The following DGKB variants were observed in gnomAD, a reference collection of about 807,000 sequenced individuals.
DGKB encodes the protein 90 kDa diacylglycerol kinase.
DGKB carries 67 observed loss-of-function variants against 114.3 expected under a neutral mutation model. That is an observed-to-expected ratio of 0.59 (90% confidence interval 0.48 to 0.72). The LOEUF (loss-of-function observed/expected upper bound fraction) is 0.72, where lower values mean the gene tolerates loss of function less well. DGKB is among the 30% of genes least tolerant of loss of function. The probability of loss-of-function intolerance (pLI) is 0.00; values close to 1 mark genes in which losing one functional copy is unlikely to be tolerated. For synonymous variants in DGKB, 398 were observed against 323.1 expected (o/e 1.23, Z -2.49); for missense variants, 907 against 975.2 (o/e 0.93, Z 0.93).
chr7:14,505,014 G>A (rs1786807170), intron 20 of DGKB, among the ~76,000 whole-genome samples: 1 of 152,162 alleles, frequency 6.6e-6, no homozygotes, highest in Non-Finnish European at 1.5e-5. Context: ...TGAAGAATAA[G>A]CCTTCATGTT....
At chr7:14,158,659 C>T (rs916523529) in intron 25 of DGKB, among the ~76,000 whole-genome samples, 8 of 152,056 alleles carry the variant, frequency 5.3e-5, no homozygotes, top group African/African-American at 1.4e-4. Context: ...AAAAAAATTG[C>T]CATTGCTTGG....
intron 23 of DGKB, among the ~76,000 whole-genome samples, chr7:14,278,727 T>G (rs902846003): frequency 2.5e-4 from 38 of 152,056 alleles, no homozygotes; most frequent in Admixed American, 1.3e-3. Flanking sequence ...ACCTGCAAAT[T>G]ATACATCTGA....
intron 25 of DGKB, 86 bp downstream of exon 25, chr7:14,176,740 TGAAAAGAAATAAA>T (rs1484105471): frequency 2.3e-5 from 35 of 1,549,094 alleles, no homozygotes; most frequent in Middle Eastern, 3.5e-4. Flanking sequence ...GCTGATAGGT[TGAAAAGAAATAAA>T]GAAAAAAATC....
At chr7:14,271,204 C>G (rs1798224754) in intron 23 of DGKB, among the ~76,000 whole-genome samples, 1 of 152,060 alleles carries the variant, frequency 6.6e-6, no homozygotes, top group Admixed American at 6.6e-5. Context: ...AGTTCACTTT[C>G]CCTTGTATTT....
intron 23 of DGKB, among the ~76,000 whole-genome samples, chr7:14,199,012 G>A (rs1260725886): frequency 6.6e-6 from 1 of 152,050 alleles, no homozygotes; most frequent in East Asian, 1.9e-4. Flanking sequence ...GCAACTTCAG[G>A]TAAGTCATTT....
rs543182957 is a variant in DGKB, at chr7:14,723,579, G to A, written c.323-4894C>T. Among the ~76,000 whole-genome samples the A allele has an allele frequency of 2.0e-4, 30 of 148,822 alleles. 2 individuals carry two copies. The South Asian group carries it at 5.0e-3, about 25-fold the overall frequency. ...TGTGTGTGTATATATATGTGTGTGT[G>A]TGTGTATATACACATACACACACAT... On this transcript the variant is annotated intron_variant, in intron 5 of 25. Transcript: ENST00000402815.
At chr7:14,718,730 A>T (rs765942104) in intron 5 of DGKB, 45 bp from the exon 6 acceptor site, 3 of 1,400,408 alleles carry the variant, frequency 2.1e-6, no homozygotes, top group African/African-American at 2.9e-5. Flanking sequence ...ATTTACAGTG[A>T]TCTCAAACAG....
At chr7:14,415,540 G>A (rs1433395610) in intron 21 of DGKB, among the ~76,000 whole-genome samples, 1 of 151,456 alleles carries the variant, frequency 6.6e-6, no homozygotes, top group African/African-American at 2.4e-5. Flanking sequence ...TTGTTCTTGC[G>A]ATAGTTTGCT....
intron 1 of DGKB, among the ~76,000 whole-genome samples, chr7:14,859,611 T>A (rs914003832): frequency 6.6e-6 from 1 of 152,130 alleles, no homozygotes; most frequent in African/African-American, 2.4e-5. Context: ...TTTTCAGGGT[T>A]TTCGTTTTCC....
At chr7:14,536,849 A>T (rs1792587708) in intron 20 of DGKB, among the ~76,000 whole-genome samples, 1 of 113,998 alleles carries the variant, frequency 8.8e-6, no homozygotes, top group African/African-American at 4.4e-5. Context: ...GGAAAAAAAC[A>T]ACAACAAGGC....
chr7:14,450,590 C>T (rs1831344806), intron 21 of DGKB, among the ~76,000 whole-genome samples: 1 of 151,888 alleles, frequency 6.6e-6, no homozygotes, highest in African/African-American at 2.4e-5. Flanking sequence ...CAGGTCAACA[C>T]CTAAGAGTAG....
intron 25 of DGKB, among the ~76,000 whole-genome samples, chr7:14,151,317 T>C (rs1024011555): frequency 2.6e-5 from 4 of 151,946 alleles, no homozygotes; most frequent in Admixed American, 6.6e-5. Flanking sequence ...TTCCTAGCCA[T>C]TTATATATAT....
In DGKB at chr7:14,330,495, T is replaced by A. The variant is rs1295362526; in HGVS notation, c.2122+8020A>T. On this transcript the variant is annotated intron_variant, in intron 23 of 25. Coordinates refer to ENST00000402815, the MANE Select transcript of DGKB (RefSeq NM_001350709.2). ...CCACTTTTCTGTTTAAATGATTACT[T>A]ACCTGTTATATTCAATTTAAAATGG... 6.6e-5 allele frequency among the ~76,000 whole-genome samples: 10 copies of A among 152,188 alleles called. No homozygotes were observed. In the South Asian group the frequency reaches 1.5e-3, roughly 22 times the overall value.
intron 1 of DGKB, among the ~76,000 whole-genome samples, chr7:14,884,700 T>C (rs576678057): frequency 6.6e-6 from 1 of 151,900 alleles, no homozygotes; most frequent in Non-Finnish European, 1.5e-5. Context: ...TAGCCATGAA[T>C]AAAATAAGAA....
At chr7:14,453,357 G>A (rs1831810537) in intron 21 of DGKB, among the ~76,000 whole-genome samples, 1 of 152,040 alleles carries the variant, frequency 6.6e-6, no homozygotes, top group African/African-American at 2.4e-5. Context: ...TTCTAATAAA[G>A]AAATAAGCAA....
intron 23 of DGKB, among the ~76,000 whole-genome samples, chr7:14,308,023 C>A (rs1266133078): frequency 1.3e-5 from 2 of 151,894 alleles, no homozygotes; most frequent in Non-Finnish European, 2.9e-5. Flanking sequence ...AAAAGTAATG[C>A]AAACTAATTT....
intron 4 of DGKB, among the ~76,000 whole-genome samples, chr7:14,742,740 C>T (rs981443763): frequency 6.6e-6 from 1 of 152,044 alleles, no homozygotes; most frequent in Non-Finnish European, 1.5e-5. Context: ...TTTAAAATTG[C>T]TAAGAGTTAC....
chr7:14,273,721 A>T (rs141552526), intron 23 of DGKB, among the ~76,000 whole-genome samples: 128 of 152,304 alleles, frequency 8.4e-4, no homozygotes, highest in African/African-American at 2.9e-3. Context: ...TTTTCTTTTG[A>T]AAAGGTGTCT....
In DGKB at chr7:14,613,575, GCGTGTGTA is replaced by G. The variant is rs1183422269; in HGVS notation, c.1285-170_1285-163del. 1.8e-3 allele frequency among the ~76,000 whole-genome samples: 150 copies of G among 82,040 alleles called. No homozygotes were observed. The Middle Eastern group carries it at 0.031, about 17-fold the overall frequency. 53.8% of individuals were successfully genotyped at this position (82,040 alleles called of 152,430 possible). ...TGTGTGTGAGTGTGTGCGTGTGTGT[GCGTGTGTA>G]TGTGTGTGTGGTGTGTTCAACAGGA... On this transcript the variant is annotated intron_variant, in intron 15 of 25. Transcript: ENST00000402815.
Sources: allele counts gnomAD v4.1 joint callset (sites outside exome capture counted in the v4.1 genomes callset), GRCh38; gene constraint gnomAD v4.1.1; transcripts MANE v1.5; gene names NCBI Gene and HGNC (gene_info 2026-07-23, HGNC 2026-07-21).